The following NPHP1 variants were observed in gnomAD, a reference collection of about 807,000 sequenced individuals.
NPHP1 encodes nephrocystin-1.
Under a neutral mutation model 90.4 loss-of-function variants are expected in NPHP1, and 70 were observed. The ratio of observed to expected loss-of-function variants is 0.77; its 90% CI spans 0.64 to 0.95. NPHP1 has a LOEUF of 0.95. Ranked by LOEUF, NPHP1 falls within the 40% of genes least tolerant of loss-of-function variation. The probability of loss-of-function intolerance (pLI) is 0.00; values close to 1 mark genes in which losing one functional copy is unlikely to be tolerated. For synonymous variants in NPHP1, 256 were observed against 271.7 expected (o/e 0.94, Z 0.57); for missense variants, 764 against 795.9 (o/e 0.96, Z 0.48).
chr2:110,137,805 C>G (rs546780923), intron 16 of NPHP1, among the ~76,000 whole-genome samples: 1 of 151,052 alleles, frequency 6.6e-6, no homozygotes, highest in South Asian at 2.1e-4. Flanking sequence ...TACCATTTGA[C>G]CCAGCCATCC....
intron 15 of NPHP1, 64 bp downstream of exon 15, chr2:110,144,429 A>G (rs2104483294): frequency 9.9e-7 from 1 of 1,008,126 alleles, no homozygotes; most frequent in Non-Finnish European, 1.6e-6. Flanking sequence ...GAATGTAGCT[A>G]CCTCTCAGAT....
intron 1 of NPHP1, 87 bp downstream of exon 1, chr2:110,204,813 A>T: frequency 7.3e-7 from 1 of 1,369,978 alleles, no homozygotes; most frequent in Non-Finnish European, 1.0e-6. Context: ...TCCCAGGATT[A>T]GGTGGGGTCA....
chr2:110,176,085 C>A (rs1683489099), intron 4 of NPHP1, among the ~76,000 whole-genome samples: 1 of 151,948 alleles, frequency 6.6e-6, no homozygotes, highest in Admixed American at 6.6e-5. Context: ...AGATTTCGCT[C>A]TATTCATCTT....
chr2:110,137,511 G>T (rs561682303), intron 16 of NPHP1, among the ~76,000 whole-genome samples: 1 of 152,010 alleles, frequency 6.6e-6, no homozygotes, highest in Non-Finnish European at 1.5e-5. Flanking sequence ...AAAAGTGGGC[G>T]AAGGATATGA....
chr2:110,153,694 C>T (rs1327117787), intron 11 of NPHP1, among the ~76,000 whole-genome samples: 1 of 151,964 alleles, frequency 6.6e-6, no homozygotes, highest in African/African-American at 2.4e-5. Flanking sequence ...AAAAAATGTT[C>T]AAGTGGGGCG....
At chr2:110,163,384 A>G in intron 8 of NPHP1, 1 of 497,184 alleles carries the variant, frequency 2.0e-6, no homozygotes, top group Admixed American at 3.2e-5. Flanking sequence ...AGCTGCTTCA[A>G]GTATACCCTT....
chr2:110,144,080 C>A (rs1394899948), intron 15 of NPHP1: 1 of 310,244 alleles, frequency 3.2e-6, no homozygotes, highest in Non-Finnish European at 6.1e-6. Flanking sequence ...TCTTGCTCTT[C>A]ATTCTCCCAT....
At chr2:110,204,818 G>A in intron 1 of NPHP1, 82 bp downstream of exon 1, 1 of 1,413,230 alleles carries the variant, frequency 7.1e-7, no homozygotes, top group South Asian at 1.2e-5. Flanking sequence ...GGATTAGGTG[G>A]GGTCACGGTG....
At chr2:110,135,527 A>G (rs1680116078) in intron 16 of NPHP1, among the ~76,000 whole-genome samples, 2 of 150,662 alleles carry the variant, frequency 1.3e-5, no homozygotes, top group Admixed American at 1.3e-4. Flanking sequence ...AGACCCTCAC[A>G]CATGATGTAT....
chr2:110,143,055 C>A (rs4368380), intron 16 of NPHP1, among the ~76,000 whole-genome samples: 58,851 of 151,934 alleles, frequency 0.39, 12,160 homozygotes, highest in East Asian at 0.58. Context: ...AATAGGTGTG[C>A]CTGCCTGAGG....
At chr2:110,131,413 T>C (rs988186106) in intron 17 of NPHP1, among the ~76,000 whole-genome samples, 15 of 152,296 alleles carry the variant, frequency 9.8e-5, no homozygotes, top group African/African-American at 3.6e-4. Flanking sequence ...AAAATATGAC[T>C]ATATCTGACT....
intron 16 of NPHP1, among the ~76,000 whole-genome samples, chr2:110,136,179 A>C (rs1182343838): frequency 2.6e-5 from 4 of 152,158 alleles, no homozygotes; most frequent in Admixed American, 1.3e-4. Flanking sequence ...ATCTCAAAAT[A>C]ATAAGAGCTA....
chr2:110,197,115 A>C (rs1685225946), intron 2 of NPHP1, among the ~76,000 whole-genome samples: 1 of 152,018 alleles, frequency 6.6e-6, no homozygotes. Context: ...AACAACATAC[A>C]CTGGGGCCTG....
chr2:110,179,302 G>T (rs1337745755), intron 3 of NPHP1, among the ~76,000 whole-genome samples: 1 of 151,990 alleles, frequency 6.6e-6, no homozygotes, highest in African/African-American at 2.4e-5. Context: ...TCCCCACAAA[G>T]AAATTAAAAT....
At chr2:110,194,321 G>A (rs1188674680) in intron 2 of NPHP1, among the ~76,000 whole-genome samples, 3 of 151,790 alleles carry the variant, frequency 2.0e-5, no homozygotes, top group African/African-American at 7.3e-5. Flanking sequence ...ATGATAAAGG[G>A]GATATCACCA....
intron 19 of NPHP1, chr2:110,124,919 C>A (rs1324925859): frequency 1.4e-5 from 4 of 281,144 alleles, no homozygotes; most frequent in Non-Finnish European, 2.6e-5. Context: ...ACTTCATTTT[C>A]CTTGTAGATA....
At chr2:110,152,945 A>G (rs1681603083) in intron 11 of NPHP1, among the ~76,000 whole-genome samples, 1 of 152,172 alleles carries the variant, frequency 6.6e-6, no homozygotes, top group Non-Finnish European at 1.5e-5. Flanking sequence ...CAAAAGACAT[A>G]AACCTATAGA....
chr2:110,137,837 AG>A (rs1680319363), intron 16 of NPHP1, among the ~76,000 whole-genome samples: 1 of 151,298 alleles, frequency 6.6e-6, no homozygotes, highest in Non-Finnish European at 1.5e-5. Context: ...ATATACCCAA[AG>A]GATTATAAAT....
intron 11 of NPHP1, among the ~76,000 whole-genome samples, chr2:110,153,286 A>G (rs192176315): frequency 6.6e-4 from 101 of 152,252 alleles, no homozygotes; most frequent in African/African-American, 2.4e-3. Context: ...TCACCAGCAG[A>G]CCTACCCTAA....
Sources: allele counts gnomAD v4.1 joint callset (sites outside exome capture counted in the v4.1 genomes callset), GRCh38; gene constraint gnomAD v4.1.1; transcripts MANE v1.5; gene names NCBI Gene and HGNC (gene_info 2026-07-23, HGNC 2026-07-21).